PSME4: variants seen among roughly 807,000 people sequenced by gnomAD.
PSME4 encodes proteasome activator complex subunit 4.
A neutral mutation model predicts 253.9 loss-of-function variants in PSME4; 89 were observed. That is an observed-to-expected ratio of 0.35 (90% CI 0.30 to 0.42). The LOEUF is 0.42. PSME4 is among the 10% of genes least tolerant of loss of function. The probability of loss-of-function intolerance (pLI) is 1.00; values close to 1 mark genes in which losing one functional copy is unlikely to be tolerated. For synonymous variants in PSME4, 851 were observed against 759.2 expected, an observed-to-expected ratio of 1.12 and a Z score of -1.99; for missense variants, 2,014 against 2,195.2, an observed-to-expected ratio of 0.92 and a Z score of 1.65.
intron 1 of PSME4, among the ~76,000 whole-genome samples, chr2:53,953,618 G>A (rs1286072974): frequency 6.7e-6 from 1 of 148,676 alleles, no homozygotes; most frequent in East Asian, 1.9e-4. Context: ...TTTTTTTAAG[G>A]TGAATGAAAA....
rs1669100268 is a variant in PSME4 at position 53,936,112 on chromosome 2, A to G, written c.809T>C (p.Ile270Thr). 1 of 1,613,088 alleles carries G rather than the reference A, an allele frequency of 6.2e-7. No homozygotes were observed. Among genetic ancestry groups the G allele is most frequent in the Non-Finnish European group, 8.5e-7 (1 of 1,179,500 alleles). ...CTTTGGTACATATGGATCCCAATCT[A>G]TGTACCCTATATTATCTGTAGCCAA... ...ARLATDNIGY[I>T]DWDPYVPKIF... is the part of the protein sequence containing the mutation. Residue 270 changes from isoleucine to threonine, a missense_variant, in exon 7 of 47, where the codon ATA becomes ACA. Physicochemically the swap from Ile to Thr is moderately conservative, Grantham distance 89. Transcript: ENST00000404125.
At chr2:53,918,686 T>C (rs951138316) in intron 20 of PSME4, among the ~76,000 whole-genome samples, 2 of 152,178 alleles carry the variant, frequency 1.3e-5, no homozygotes, top group East Asian at 3.8e-4. Flanking sequence ...AATTTAGCTA[T>C]TCACTCGAAG....
intron 20 of PSME4, among the ~76,000 whole-genome samples, chr2:53,910,947 G>A (rs1389985789): frequency 6.6e-6 from 1 of 152,140 alleles, no homozygotes; most frequent in African/African-American, 2.4e-5. Context: ...CATATACAGA[G>A]TTAATAAACA....
At chr2:53,970,013 C>G (rs550596228) in intron 1 of PSME4, among the ~76,000 whole-genome samples, 1 of 152,222 alleles carries the variant, frequency 6.6e-6, no homozygotes, top group South Asian at 2.1e-4. Context: ...AGAGGGCCCC[C>G]AAAAAGCAAA....
In PSME4 at chr2:53,866,766, T is replaced by C. The variant is rs1227607884; in HGVS notation, c.5378A>G (p.Asn1793Ser). ...QLLMNLSAHL[N>S]DPQPIEMTVK... ...CTGTACCTCAATAGGCTGAGGATCATTTAGATGTGCACTGAGATTCATGAG... is the reference window on the plus strand; with the variant it reads ...CTGTACCTCAATAGGCTGAGGATCACTTAGATGTGCACTGAGATTCATGAG... Residue 1793 changes from asparagine to serine, a missense_variant, in exon 45 of 47, where the codon AAT (asparagine) becomes AGT (serine). Around this residue, in one of 4 missense-constraint regions of PSME4, gnomAD observed 403 missense variants for 556.1 expected, o/e 0.72. Transcript: ENST00000404125. 6.2e-7 allele frequency: 1 copy of C among 1,613,792 alleles called. No homozygotes were observed. The highest frequency in any genetic ancestry group is 1.1e-5 in the South Asian group (1 of 91,044).
At chr2:53,969,666 T>TC (rs1273700298) in intron 1 of PSME4, among the ~76,000 whole-genome samples, 1 of 134,356 alleles carries the variant, frequency 7.4e-6, no homozygotes, top group Non-Finnish European at 1.6e-5. Flanking sequence ...TAACCTTTTT[T>TC]CCCCCACTGT....
At chr2:53,935,557 C>A (rs1157441859) in intron 7 of PSME4, among the ~76,000 whole-genome samples, 1 of 152,242 alleles carries the variant, frequency 6.6e-6, no homozygotes, top group East Asian at 1.9e-4. Flanking sequence ...ATACTGTGAT[C>A]TAAAAAGTGG....
chr2:53,898,331 G>A lies in PSME4; in HGVS notation c.3446C>T (p.Thr1149Ile), dbSNP rs1235580660. ...ALRNYENLVD[T>I]LLDGVEQRNL... ...TCTTTGCTCCACACCATCTAGCAAGGTGTCTACCAAATTTTCATAGTTCCT... is the reference window on the plus strand; with the variant it reads ...TCTTTGCTCCACACCATCTAGCAAGATGTCTACCAAATTTTCATAGTTCCT... Residue 1149 changes from threonine to isoleucine, a missense_variant, in exon 30 of 47, where the codon ACC (threonine) becomes ATC (isoleucine). Around this residue, in one of 4 missense-constraint regions of PSME4, gnomAD observed 989 missense variants for 1,021.1 expected, o/e 0.97. Coordinates refer to ENST00000404125, the MANE Select transcript of PSME4 (RefSeq NM_014614.3). 3.7e-6 allele frequency: 6 copies of A among 1,605,210 alleles called. No individual in the cohort carries two copies. The South Asian group carries it at 5.7e-5, about 15-fold the overall frequency.
chr2:53,909,525 T>C (rs1225844970), intron 21 of PSME4, among the ~76,000 whole-genome samples: 3 of 152,316 alleles, frequency 2.0e-5, no homozygotes, highest in East Asian at 1.9e-4. Context: ...AGCATTCAAA[T>C]ACAGACTGAC....
chr2:53,873,342 T>C lies in PSME4; in HGVS notation c.5100+997A>G, dbSNP rs946163051. Among the ~76,000 whole-genome samples, 3 of 151,994 alleles carry C rather than the reference T, an allele frequency of 2.0e-5. No individual in the cohort carries two copies. In the East Asian group the frequency reaches 5.8e-4, roughly 29 times the overall value. On this transcript the variant is annotated intron_variant, in intron 43 of 46. Transcript: ENST00000404125. The stretch of plus-strand genomic sequence containing the variant: ...ATATAAGAAATATAAATAGACTCAT[T>C]AGGGAGGTAGAGAAATTTCCATTCC...
At position 53,885,767 on chromosome 2, in the gene PSME4, AT is replaced by A; in HGVS notation, c.4737del (p.Lys1579AsnfsTer3). Reference sequence around the variant, plus strand: ...GATCTTCCTGCACTTGCCATCAGCCATTTCAATACTATTTTGAAAACAAAGA... The same window carrying A: ...GATCTTCCTGCACTTGCCATCAGCCATTCAATACTATTTTGAAAACAAAGA... ...QGIKLLKTIL[K>X]WLMASAGRSF... On this transcript the variant is annotated frameshift_variant, in exon 41 of 47. Coordinates refer to ENST00000404125, the MANE Select transcript of PSME4 (RefSeq NM_014614.3). LOFTEE classifies it high-confidence loss of function. The A allele has an allele frequency of 6.2e-7, 1 of 1,610,016 alleles. No individual in the cohort carries two copies.
At chr2:53,868,599 T>A (rs1230565903) in intron 44 of PSME4, among the ~76,000 whole-genome samples, 1 of 123,798 alleles carries the variant, frequency 8.1e-6, no homozygotes, top group Admixed American at 8.5e-5. Context: ...AATATATATA[T>A]AATATATATA....
intron 1 of PSME4, among the ~76,000 whole-genome samples, chr2:53,958,588 C>T (rs961170498): frequency 3.3e-5 from 5 of 152,068 alleles, no homozygotes; most frequent in African/African-American, 1.2e-4. Flanking sequence ...TCCCAAGAGG[C>T]GCTTCCTTTA....
At chr2:53,925,218 T>A (rs1164856079) in intron 14 of PSME4, among the ~76,000 whole-genome samples, 1 of 152,198 alleles carries the variant, frequency 6.6e-6, no homozygotes, top group Admixed American at 6.5e-5. Context: ...GACAGTTGTT[T>A]AAGTGGAGCT....
rs1244137507 is a variant in PSME4, at chr2:53,919,259, A to C, written c.2421-13T>G. The C allele has an allele frequency of 3.8e-6, 6 of 1,563,668 alleles. No homozygotes were observed. Among genetic ancestry groups the C allele is most frequent in the Non-Finnish European group, 5.2e-6 (6 of 1,163,328 alleles). Reference sequence around the variant, plus strand: ...TAGAATATCATCTCTAGAAAAAAAAAAAAGACATTTTCATATTTCCAAATC... The same window carrying C: ...TAGAATATCATCTCTAGAAAAAAAACAAAGACATTTTCATATTTCCAAATC... On this transcript the variant is annotated splice_polypyrimidine_tract_variant and intron_variant, in intron 19 of 46. Transcript: ENST00000404125.
At chr2:53,970,408 TG>T in intron 1 of PSME4, 134 bp downstream of exon 1, 1 of 1,440,428 alleles carries the variant, frequency 6.9e-7, no homozygotes, top group Non-Finnish European at 9.2e-7. Context: ...GTCACGACCC[TG>T]GGATCACCGC....
In PSME4 at chr2:53,934,743, A is replaced by G; in HGVS notation, c.835-16T>C. 1 of 1,546,510 alleles carries G rather than the reference A, an allele frequency of 6.5e-7. No homozygotes were observed. Among genetic ancestry groups the G allele is most frequent in the South Asian group, 1.1e-5 (1 of 88,284 alleles). On this transcript the variant is annotated splice_polypyrimidine_tract_variant and intron_variant, in intron 7 of 46. Transcript: ENST00000404125. ...TTGTAAATATCTTTTAAAAGAAAAA[A>G]ATAAGTAAGGATATTTACAGGTATC...
intron 43 of PSME4, among the ~76,000 whole-genome samples, chr2:53,872,424 T>A (rs1678919475): frequency 6.6e-6 from 1 of 152,112 alleles, no homozygotes; most frequent in South Asian, 2.1e-4. Context: ...AATATGATAG[T>A]TTTAATGATC....
At position 53,901,539 on chromosome 2, in the gene PSME4, A is replaced by T; in HGVS notation, c.3096T>A (p.Leu1032=). ...CCAAGCACACACCACTGTGATTTCC[A>T]AGGAGACAGTACAAGGCACCCTGCA... ...QQFKGALYCL[L]GNHSGVCLAN... is the part of the protein sequence containing the mutation. The change falls in exon 28 of 47, where the codon CTT becomes CTA. Residue 1032 remains leucine (L), a synonymous_variant. Coordinates refer to ENST00000404125, the MANE Select transcript of PSME4 (RefSeq NM_014614.3). The T allele has an allele frequency of 6.2e-7, 1 of 1,612,674 alleles. No homozygotes were observed. The highest frequency in any genetic ancestry group is 8.5e-7 in the Non-Finnish European group (1 of 1,178,838).
Sources: gnomAD v4.1 joint callset for allele counts (sites outside exome capture counted in the v4.1 genomes callset) on GRCh38, gnomAD v4.1.1 for gene constraint, gnomAD v4.1.1 regional missense constraint, MANE v1.5 for transcripts, NCBI Gene and HGNC (gene_info 2026-07-23, HGNC 2026-07-21) for gene names.